IGSF10: variants seen among roughly 807,000 people sequenced by gnomAD.
The protein encoded by IGSF10 is calvaria mechanical force protein 608.
In IGSF10, 126 loss-of-function variants were observed where a neutral mutation model predicts 128.2. That is an observed-to-expected ratio of 0.98 (90% confidence interval 0.85 to 1.14). The LOEUF (loss-of-function observed/expected upper bound fraction) is 1.14. Ranked by LOEUF, IGSF10 falls within the 50% of genes most tolerant of loss-of-function variation. The pLI is 0.00. For synonymous variants in IGSF10, 1,185 were observed against 1,146.2 expected (o/e 1.03, Z -0.68); for missense variants, 3,295 against 3,149.8 (o/e 1.05, Z -1.10).
upstream of IGSF10, among the ~76,000 whole-genome samples, chr3:151,465,766 T>C (rs112021738): frequency 7.2e-5 from 11 of 152,324 alleles, no homozygotes; most frequent in African/African-American, 2.6e-4. Context: ...AAACTAAATA[T>C]GGCCTGAGAG....
At chr3:151,535,279 A>C in the IGSF10 span, among the ~76,000 whole-genome samples, 1 of 152,146 alleles carries the variant, frequency 6.6e-6, no homozygotes, top group African/African-American at 2.4e-5. Flanking sequence ...AAATAAAAGA[A>C]AAAAAATAAC....
chr3:151,503,176 C>T, the IGSF10 span, among the ~76,000 whole-genome samples: 1 of 151,964 alleles, frequency 6.6e-6, no homozygotes, highest in African/African-American at 2.4e-5. Flanking sequence ...ATACTTTTAT[C>T]TTAGGCCCTA....
chr3:151,444,327 G>A (rs527654074), intron 6 of IGSF10, among the ~76,000 whole-genome samples: 33 of 152,128 alleles, frequency 2.2e-4, no homozygotes, highest in African/African-American at 6.7e-4. Context: ...TATTTTTATT[G>A]AGAGAGTTTC....
the IGSF10 span, among the ~76,000 whole-genome samples, chr3:151,597,938 A>G: frequency 6.6e-6 from 1 of 151,588 alleles, no homozygotes; most frequent in Non-Finnish European, 1.5e-5. Flanking sequence ...AAACACAACA[A>G]CAACCCTACA....
the IGSF10 span, among the ~76,000 whole-genome samples, chr3:151,489,227 G>A: frequency 1.3e-5 from 2 of 152,184 alleles, no homozygotes; most frequent in African/African-American, 2.4e-5. Context: ...TGAAAAAAAG[G>A]TCATCATCAC....
the IGSF10 span, among the ~76,000 whole-genome samples, chr3:151,477,666 C>T: frequency 0.011 from 1,748 of 152,254 alleles, 12 homozygotes; most frequent in Middle Eastern, 0.024. Context: ...AGAGAAGTTA[C>T]TTTGTTTTTC....
At chr3:151,460,024 T>A (rs4234322) in intron 2 of IGSF10, among the ~76,000 whole-genome samples, 118,362 of 152,174 alleles carry the variant, frequency 0.78, 46,330 homozygotes, top group Middle Eastern at 0.96. Context: ...CTGGTTACAA[T>A]AATTTTAAAT....
chr3:151,520,391 A>AG, the IGSF10 span, among the ~76,000 whole-genome samples: 12 of 151,844 alleles, frequency 7.9e-5, no homozygotes, highest in African/African-American at 1.2e-4. Context: ...CTTGCTTCTC[A>AG]GACATGTAAA....
chr3:151,468,026 T>C, the IGSF10 span, among the ~76,000 whole-genome samples: 4 of 152,276 alleles, frequency 2.6e-5, no homozygotes, highest in South Asian at 8.3e-4. Flanking sequence ...TGAACCAGTT[T>C]GAGATTACAG....
At chr3:151,565,177 A>C in the IGSF10 span, among the ~76,000 whole-genome samples, 4 of 152,176 alleles carry the variant, frequency 2.6e-5, no homozygotes, top group African/African-American at 4.8e-5. Flanking sequence ...ATGGTTTGAC[A>C]ATTGCTGTGT....
rs372032977 is a variant in IGSF10 at position 151,447,657 on chromosome 3, G to A, written c.2324C>T (p.Thr775Ile). 2.5e-6 allele frequency: 4 copies of A among 1,614,016 alleles called. No homozygotes were observed. Among genetic ancestry groups the A allele is most frequent in the Non-Finnish European group, 8.5e-7 (1 of 1,180,034 alleles). ...KNAMPDKREN[T>I]TVSPPPVVTQ... ...GACCACTGGGGGTGGGCTCACTGTG[G>A]TATTTTCTCGCTTGTCTGGCATAGC... Residue 775 changes from threonine to isoleucine, a missense_variant, in exon 6 of 8, where the codon ACC (threonine) becomes ATC (isoleucine). By Grantham distance (89) the Thr-to-Ile change is moderately conservative. Coordinates refer to ENST00000282466, the MANE Select transcript of IGSF10 (RefSeq NM_178822.5).
chr3:151,608,928 G>T, the IGSF10 span, among the ~76,000 whole-genome samples: 2 of 152,148 alleles, frequency 1.3e-5, no homozygotes, highest in African/African-American at 4.8e-5. Flanking sequence ...CCTGTAGAGG[G>T]TTTTGTTTTG....
At chr3:151,530,243 G>A in the IGSF10 span, among the ~76,000 whole-genome samples, 1 of 152,020 alleles carries the variant, frequency 6.6e-6, no homozygotes, top group Non-Finnish European at 1.5e-5. Context: ...GATAGGATGA[G>A]TCACCTAAAA....
the IGSF10 span, among the ~76,000 whole-genome samples, chr3:151,510,804 C>T: frequency 1.3e-5 from 2 of 152,166 alleles, no homozygotes; most frequent in African/African-American, 4.8e-5. Flanking sequence ...GGCACAAGAA[C>T]CACGTGATGA....
At chr3:151,568,831 T>C in the IGSF10 span, among the ~76,000 whole-genome samples, 2 of 152,178 alleles carry the variant, frequency 1.3e-5, no homozygotes, top group Non-Finnish European at 2.9e-5. Context: ...CTCAGGTGTA[T>C]TTGTCAGAGT....
At chr3:151,515,234 A>G in the IGSF10 span, among the ~76,000 whole-genome samples, 3 of 152,058 alleles carry the variant, frequency 2.0e-5, no homozygotes, top group African/African-American at 7.2e-5. Flanking sequence ...TCCAACAACG[A>G]TAGACTGGAT....
chr3:151,436,063 G>C (rs1376316861), downstream of IGSF10: 1 of 152,072 alleles, frequency 6.6e-6, no homozygotes, highest in African/African-American at 2.4e-5. Flanking sequence ...ATGATGTGCA[G>C]GTATTACATT....
At chr3:151,605,967 T>C in the IGSF10 span, among the ~76,000 whole-genome samples, 1 of 152,080 alleles carries the variant, frequency 6.6e-6, no homozygotes, top group East Asian at 1.9e-4. Flanking sequence ...TCAGGACTTG[T>C]TTCTATAAGT....
chr3:151,460,842 A>G (rs1577679750), intron 1 of IGSF10, 104 bp downstream of exon 1: 1 of 456,380 alleles, frequency 2.2e-6, no homozygotes, highest in South Asian at 9.9e-5. Flanking sequence ...TCCCCGCCCC[A>G]GCGCCCGCTT....
Sources: allele counts gnomAD v4.1 joint callset (sites outside exome capture counted in the v4.1 genomes callset), GRCh38; gene constraint gnomAD v4.1.1; transcripts MANE v1.5; gene names NCBI Gene and HGNC (gene_info 2026-07-23, HGNC 2026-07-21).